Variants in ADGRL4 observed in about 807,000 individuals in gnomAD.
The protein encoded by ADGRL4 is adhesion G protein-coupled receptor L4, also known as EGF, latrophilin and seven transmembrane domain containing 1.
A neutral mutation model predicts 74.8 loss-of-function variants in ADGRL4; 90 were observed. That is an observed-to-expected ratio of 1.20 (90% confidence interval 1.02 to 1.43). ADGRL4 has a LOEUF of 1.43. Among genes scored for constraint, ADGRL4 ranks in the 40% most tolerant of loss-of-function variants. The pLI is 0.00. For synonymous variants in ADGRL4, 311 were observed against 279.2 expected, an observed-to-expected ratio of 1.11 and a Z score of -1.14; for missense variants, 881 against 814.3, an observed-to-expected ratio of 1.08 and a Z score of -1.00.
intron 3 of ADGRL4, among the ~76,000 whole-genome samples, chr1:78,944,338 C>G (rs376457473): frequency 6.6e-6 from 1 of 152,104 alleles, no homozygotes; most frequent in South Asian, 2.1e-4. Context: ...GCTTGCAGGG[C>G]TGCATATTAG....
At chr1:78,915,712 A>G (rs923601967) in intron 12 of ADGRL4, among the ~76,000 whole-genome samples, 1 of 151,954 alleles carries the variant, frequency 6.6e-6, no homozygotes, top group African/African-American at 2.4e-5. Context: ...TTGGTGTTCA[A>G]TATCTCTTTG....
At chr1:78,891,453 A>C in intron 14 of ADGRL4, 71 bp downstream of exon 14, 1 of 1,476,496 alleles carries the variant, frequency 6.8e-7, no homozygotes, top group South Asian at 1.3e-5. Context: ...TGAGAGTAAG[A>C]ATTTTCTATC....
At chr1:78,964,768 C>T (rs1326010483) in intron 2 of ADGRL4, among the ~76,000 whole-genome samples, 1 of 152,108 alleles carries the variant, frequency 6.6e-6, no homozygotes, top group Admixed American at 6.6e-5. Flanking sequence ...AGTTGAGATA[C>T]TGTTAAACTC....
At chr1:78,964,988 T>C (rs1650025619) in intron 2 of ADGRL4, among the ~76,000 whole-genome samples, 1 of 150,362 alleles carries the variant, frequency 6.7e-6, no homozygotes, top group South Asian at 2.1e-4. Context: ...TGTAGAATTG[T>C]TTTTAGCAAA....
At chr1:78,944,200 A>G (rs1649548701) in intron 3 of ADGRL4, among the ~76,000 whole-genome samples, 1 of 152,192 alleles carries the variant, frequency 6.6e-6, no homozygotes, top group African/African-American at 2.4e-5. Context: ...TGATCAGATA[A>G]AAAGACAGAT....
At chr1:78,928,024 C>A (rs557214151) in intron 7 of ADGRL4, among the ~76,000 whole-genome samples, 3 of 148,120 alleles carry the variant, frequency 2.0e-5, no homozygotes, top group Non-Finnish European at 4.4e-5. Flanking sequence ...ACTATCCCAG[C>A]CTTTGCTATA....
At chr1:78,957,975 C>A (rs536148776) in intron 2 of ADGRL4, among the ~76,000 whole-genome samples, 1 of 152,206 alleles carries the variant, frequency 6.6e-6, no homozygotes, top group African/African-American at 2.4e-5. Flanking sequence ...TATCCTGGAG[C>A]CTTTAGAATT....
chr1:78,907,585 G>A (rs1011175513), intron 12 of ADGRL4, among the ~76,000 whole-genome samples: 4 of 152,110 alleles, frequency 2.6e-5, no homozygotes, highest in South Asian at 2.1e-4. Flanking sequence ...TTCTATGAAA[G>A]CATTTAACAA....
chr1:78,951,286 T>A (rs1410023752), intron 2 of ADGRL4, among the ~76,000 whole-genome samples: 1 of 152,044 alleles, frequency 6.6e-6, no homozygotes. Flanking sequence ...TTCTTACCAA[T>A]CAAGTGATAA....
At chr1:78,938,304 A>C in intron 4 of ADGRL4, 25 bp from the exon 5 acceptor site, 1 of 1,530,458 alleles carries the variant, frequency 6.5e-7, no homozygotes, top group Non-Finnish European at 8.7e-7. Context: ...GTCCAGAAAA[A>C]GGAAACTAAA....
At chr1:78,992,662 C>T (rs6685355) in intron 2 of ADGRL4, among the ~76,000 whole-genome samples, 2 of 151,916 alleles carry the variant, frequency 1.3e-5, no homozygotes, top group African/African-American at 4.8e-5. Flanking sequence ...TGGCAATGGA[C>T]CAAATAGTTA....
At chr1:79,003,261 A>C (rs555908393) in intron 2 of ADGRL4, among the ~76,000 whole-genome samples, 3 of 151,984 alleles carry the variant, frequency 2.0e-5, no homozygotes, top group African/African-American at 4.8e-5. Context: ...TATCCTGACT[A>C]AAAAAAGGTT....
intron 13 of ADGRL4, among the ~76,000 whole-genome samples, chr1:78,892,278 C>T (rs983756548): frequency 6.6e-6 from 1 of 152,118 alleles, no homozygotes; most frequent in African/African-American, 2.4e-5. Context: ...ATACTGTTTT[C>T]TTAAAAATTA....
chr1:78,971,737 G>A lies in ADGRL4; in HGVS notation c.173-25311C>T, dbSNP rs142429698. Among the ~76,000 whole-genome samples, 16 of 152,210 alleles carry A rather than the reference G, an allele frequency of 1.1e-4. No homozygotes were observed. In the East Asian group the frequency reaches 1.7e-3, roughly 17 times the overall value. On this transcript the variant is annotated intron_variant, in intron 2 of 14. Coordinates refer to ENST00000370742, the MANE Select transcript of ADGRL4 (RefSeq NM_022159.4). ...CTCATTTTCAAATGGAATTAATGAC[G>A]TTCATTGCAGGATTTGTTGTTTTTG... is the stretch of plus-strand genomic sequence containing the variant.
At chr1:79,000,671 T>C (rs1478937918) in intron 2 of ADGRL4, among the ~76,000 whole-genome samples, 1 of 80,202 alleles carries the variant, frequency 1.2e-5, no homozygotes, top group Non-Finnish European at 2.9e-5. Flanking sequence ...GAGGTCATAT[T>C]TCTAGTACAA....
At chr1:78,964,466 G>A (rs1453709159) in intron 2 of ADGRL4, among the ~76,000 whole-genome samples, 1 of 152,164 alleles carries the variant, frequency 6.6e-6, no homozygotes. Context: ...TGAGGCAAAA[G>A]TAAGTGAAAA....
chr1:78,995,091 T>C (rs943428058), intron 2 of ADGRL4, among the ~76,000 whole-genome samples: 1 of 152,202 alleles, frequency 6.6e-6, no homozygotes, highest in Non-Finnish European at 1.5e-5. Flanking sequence ...GTGCACCATC[T>C]TATTCAAAGG....
At chr1:78,905,751 T>C (rs1310889576) in intron 12 of ADGRL4, among the ~76,000 whole-genome samples, 2 of 152,044 alleles carry the variant, frequency 1.3e-5, no homozygotes, top group African/African-American at 4.8e-5. Flanking sequence ...CAATCATTTG[T>C]TGAATAAATA....
chr1:78,930,355 T>A (rs528528308), intron 7 of ADGRL4, among the ~76,000 whole-genome samples: 1 of 151,336 alleles, frequency 6.6e-6, no homozygotes, highest in Admixed American at 6.6e-5. Flanking sequence ...TCAGCAGGGT[T>A]TTTTCTAAAT....
Sources: gnomAD v4.1 joint callset for allele counts (sites outside exome capture counted in the v4.1 genomes callset) on GRCh38, gnomAD v4.1.1 for gene constraint, MANE v1.5 for transcripts, NCBI Gene and HGNC (gene_info 2026-07-23, HGNC 2026-07-21) for gene names.